Variants in SPIDR observed in about 807,000 individuals in gnomAD.
SPIDR encodes the protein scaffold protein involved in DNA repair.
SPIDR carries 93 observed loss-of-function variants against 104.6 expected under a neutral mutation model. The ratio of observed to expected loss-of-function variants is 0.89; its 90% confidence interval spans 0.75 to 1.06. The LOEUF is 1.06. SPIDR is among the 50% of genes least tolerant of loss of function. SPIDR has a pLI of 0.00. For synonymous variants in SPIDR, 431 were observed against 416.9 expected (o/e 1.03, Z -0.41); for missense variants, 1,154 against 1,111.2 (o/e 1.04, Z -0.55).
At chr8:47,346,577 G>A (rs2052097382) in intron 5 of SPIDR, among the ~76,000 whole-genome samples, 1 of 152,292 alleles carries the variant, frequency 6.6e-6, no homozygotes, top group Middle Eastern at 3.4e-3. Flanking sequence ...GTAGAATTTG[G>A]TTGTGAATCT....
At chr8:47,459,628 T>G (rs1301252044) in intron 8 of SPIDR, among the ~76,000 whole-genome samples, 1 of 152,142 alleles carries the variant, frequency 6.6e-6, no homozygotes, top group Non-Finnish European at 1.5e-5. Flanking sequence ...CAATTTCATT[T>G]AGTTCTGTTT....
chr8:47,269,633 T>C (rs1347436932), intron 1 of SPIDR, among the ~76,000 whole-genome samples: 1 of 152,034 alleles, frequency 6.6e-6, no homozygotes, highest in African/African-American at 2.4e-5. Context: ...ATGAATTTAC[T>C]ACTTCCAATT....
chr8:47,373,634 C>A (rs1587862647), intron 5 of SPIDR, among the ~76,000 whole-genome samples: 1 of 151,898 alleles, frequency 6.6e-6, no homozygotes, highest in East Asian at 1.9e-4. Flanking sequence ...CATATTGCTT[C>A]GGTGATTTTC....
At chr8:47,361,002 A>G (rs1380681454) in intron 5 of SPIDR, 6 of 977,042 alleles carry the variant, frequency 6.1e-6, no homozygotes, top group Non-Finnish European at 2.4e-6. Flanking sequence ...TGATTTTTTA[A>G]TATTAAAAAT....
intron 8 of SPIDR, among the ~76,000 whole-genome samples, chr8:47,583,836 C>A (rs1465360766): frequency 6.6e-6 from 1 of 152,226 alleles, no homozygotes; most frequent in East Asian, 1.9e-4. Flanking sequence ...CTTTGTCCTG[C>A]CTCTCCTGGG....
At chr8:47,343,685 G>T (rs1554615450) in intron 5 of SPIDR, among the ~76,000 whole-genome samples, 1 of 152,144 alleles carries the variant, frequency 6.6e-6, no homozygotes. Flanking sequence ...AGAACTGATG[G>T]GCTAAAGTGT....
At chr8:47,508,296 A>G (rs2081791540) in intron 8 of SPIDR, among the ~76,000 whole-genome samples, 1 of 152,196 alleles carries the variant, frequency 6.6e-6, no homozygotes, top group Admixed American at 6.5e-5. Flanking sequence ...TTGGGATAGG[A>G]AAACACGTAC....
intron 5 of SPIDR, among the ~76,000 whole-genome samples, chr8:47,346,584 A>C (rs1179212061): frequency 2.0e-5 from 3 of 152,212 alleles, no homozygotes; most frequent in Non-Finnish European, 1.5e-5. Flanking sequence ...TTGGTTGTGA[A>C]TCTGTCTGGT....
At chr8:47,513,011 C>T (rs2082597749) in intron 8 of SPIDR, among the ~76,000 whole-genome samples, 1 of 152,180 alleles carries the variant, frequency 6.6e-6, no homozygotes, top group Non-Finnish European at 1.5e-5. Flanking sequence ...GATGAAATAA[C>T]CCTCTAGTTA....
intron 10 of SPIDR, among the ~76,000 whole-genome samples, chr8:47,624,446 G>A (rs541962059): frequency 6.6e-6 from 1 of 152,200 alleles, no homozygotes; most frequent in African/African-American, 2.4e-5. Flanking sequence ...ATGAATCCAG[G>A]ACCTGGTTTT....
chr8:47,534,905 A>G (rs947099745), intron 8 of SPIDR, among the ~76,000 whole-genome samples: 10 of 152,170 alleles, frequency 6.6e-5, no homozygotes, highest in Admixed American at 2.6e-4. Context: ...GTGGAGCCAG[A>G]TTAAGAAAAA....
chr8:47,624,257 A>C (rs1362332385), intron 10 of SPIDR, among the ~76,000 whole-genome samples: 2 of 152,250 alleles, frequency 1.3e-5, no homozygotes, highest in Non-Finnish European at 2.9e-5. Context: ...GGAAATTGAT[A>C]GCACTAAATG....
In SPIDR at chr8:47,416,913, A is replaced by G. The variant is rs202223059; in HGVS notation, c.877+8952A>G. 6.2e-5 allele frequency among the ~76,000 whole-genome samples: 3 copies of G among 48,632 alleles called. No homozygotes were observed. The South Asian group carries it at 1.5e-3, about 25-fold the overall frequency. 31.9% of individuals were successfully genotyped at this position (48,632 alleles called of 152,430 possible). ...TCCTTGCGATAATTTGCTGAGAGTG[A>G]TGGTTTCCAGCTTCATCCATGTCCC... On this transcript the variant is annotated intron_variant, in intron 7 of 19. Transcript: ENST00000297423.
intron 11 of SPIDR, among the ~76,000 whole-genome samples, chr8:47,697,559 C>T (rs2079524086): frequency 6.6e-6 from 1 of 152,332 alleles, no homozygotes; most frequent in East Asian, 1.9e-4. Context: ...TGCCAGGCCT[C>T]CTGCCTCCCT....
At chr8:47,464,372 G>T (rs2074429989) in intron 8 of SPIDR, among the ~76,000 whole-genome samples, 1 of 152,206 alleles carries the variant, frequency 6.6e-6, no homozygotes, top group Non-Finnish European at 1.5e-5. Flanking sequence ...TGGCCAGCTA[G>T]ATGCAGTTAA....
chr8:47,598,300 G>A (rs1340702134), intron 9 of SPIDR, among the ~76,000 whole-genome samples: 1 of 152,188 alleles, frequency 6.6e-6, no homozygotes, highest in Admixed American at 6.5e-5. Context: ...GGCAAGATCT[G>A]TGGTCTCTAT....
rs1554580172 is a variant in SPIDR, at chr8:47,304,212, G to A, written c.525+10182G>A. 5.0e-3 allele frequency among the ~76,000 whole-genome samples: 759 copies of A among 152,196 alleles called. 5 individuals are homozygous for A. Among genetic ancestry groups the A allele is most frequent in the Non-Finnish European group, 9.2e-3 (624 of 68,008 alleles). ...TAATATAGTTTGAGTCTGTGTCCCC[G>A]CCCAAATCTCATGTTGAATTGTAAT... On this transcript the variant is annotated intron_variant, in intron 5 of 19. Transcript: ENST00000297423.
At chr8:47,326,051 G>C (rs1365285565) in intron 5 of SPIDR, among the ~76,000 whole-genome samples, 1 of 152,048 alleles carries the variant, frequency 6.6e-6, no homozygotes, top group Admixed American at 6.6e-5. Context: ...GACTGCAGTG[G>C]TGTGATCTCA....
intron 8 of SPIDR, among the ~76,000 whole-genome samples, chr8:47,499,110 G>T (rs1343333704): frequency 6.6e-6 from 1 of 152,146 alleles, no homozygotes; most frequent in Non-Finnish European, 1.5e-5. Context: ...AGCCTTTACT[G>T]CTGTCTGCCC....
Sources: gnomAD v4.1 joint callset for allele counts (sites outside exome capture counted in the v4.1 genomes callset) on GRCh38, gnomAD v4.1.1 for gene constraint, MANE v1.5 for transcripts, NCBI Gene and HGNC (gene_info 2026-07-23, HGNC 2026-07-21) for gene names.